Variants in LRRC41 observed in about 807,000 individuals in gnomAD.
LRRC41 encodes the protein leucine rich repeat containing 41, also known as leucine-rich repeat-containing protein 41.
LRRC41 carries 17 observed loss-of-function variants against 72.1 expected under a neutral mutation model. The ratio of observed to expected loss-of-function variants is 0.24; its 90% CI spans 0.16 to 0.35. LRRC41 has a LOEUF of 0.35. LRRC41 is among the 10% of genes least tolerant of loss of function. LRRC41 has a pLI of 1.00. For synonymous variants in LRRC41, 427 were observed against 431.0 expected (o/e 0.99, Z 0.11); for missense variants, 759 against 1,065.0 (o/e 0.71, Z 4.00).
At position 46,303,273 on chromosome 1, in the gene LRRC41, A is replaced by G. The variant is rs1326306928; in HGVS notation, c.50T>C (p.Val17Ala). The G allele has an allele frequency of 6.5e-7, 1 of 1,543,898 alleles. No individual in the cohort carries two copies. Among genetic ancestry groups the G allele is most frequent in the Non-Finnish European group, 8.7e-7 (1 of 1,145,650 alleles). Reference protein sequence around the residue: ...WRARSCWFCEVAAATTMEATS... With the variant: ...WRARSCWFCEAAAATTMEATS... ...GGCCTCCATGGTCGTTGCCGCCGCT[A>G]CCTCACAGAACCAGCAACTCCGGGC... The change falls in exon 1 of 10, where the codon GTA (valine) becomes GCA (alanine). Residue 17 changes from valine to alanine, a missense_variant. This residue lies in a region of LRRC41 where 106 missense variants were observed against 66.1 expected (regional missense o/e 1.60). Coordinates refer to ENST00000617190, the MANE Select transcript of LRRC41 (RefSeq NM_006369.5).
At chr1:46,290,761 C>G (rs1335167829) in intron 3 of LRRC41, among the ~76,000 whole-genome samples, 3 of 151,978 alleles carry the variant, frequency 2.0e-5, no homozygotes, top group Non-Finnish European at 4.4e-5. Flanking sequence ...CACACAACAC[C>G]ATGTCCAGCT....
chr1:46,299,791 C>T (rs1468713503), intron 1 of LRRC41: 1 of 151,660 alleles, frequency 6.6e-6, no homozygotes, highest in Non-Finnish European at 1.5e-5. Context: ...GCACAAGAAT[C>T]ACTTGAACTC....
In LRRC41 at chr1:46,278,768, A is replaced by G. The variant is rs770813040; in HGVS notation, c.*97T>C. On this transcript the variant is annotated 3_prime_UTR_variant, in exon 10 of 10. Transcript: ENST00000617190. The stretch of plus-strand genomic sequence containing the variant: ...AAAAGAGAAAAAAGGTGACAGAAAG[A>G]GAAAGATAGAACTGGTGGTTGGGGT... The G allele has an allele frequency of 4.2e-6, 5 of 1,194,570 alleles. No homozygotes were observed. The highest frequency in any genetic ancestry group is 6.0e-6 in the Non-Finnish European group (5 of 831,232). The allele number at this position is 1,194,570 out of a possible 1,614,324, so 74.0% of individuals were successfully genotyped here.
chr1:46,279,750 G>C lies in LRRC41; in HGVS notation c.2021-136C>G. Reference sequence around the variant, plus strand: ...AGGAAGGAATTTGTCTAGACTCCAAGCAAGGCTGGAACTAAATCAGAATCC... The same window carrying C: ...AGGAAGGAATTTGTCTAGACTCCAACCAAGGCTGGAACTAAATCAGAATCC... On this transcript the variant is annotated intron_variant, in intron 7 of 9. Coordinates refer to ENST00000617190, the MANE Select transcript of LRRC41 (RefSeq NM_006369.5). The surrounding 1 kb of genome is among the most constrained non-coding windows in gnomAD (Gnocchi z 4.5). 1.9e-6 allele frequency: 2 copies of C among 1,026,230 alleles called. No homozygotes were observed. The highest frequency in any genetic ancestry group is 2.4e-5 in the East Asian group (1 of 41,296). The allele number at this position is 1,026,230 out of a possible 1,614,324, so 63.6% of individuals were successfully genotyped here. A position where few individuals can be genotyped will look rare whatever the true frequency, so the allele number is the denominator to read the frequency against.
At chr1:46,298,229 A>G in intron 2 of LRRC41, 55 bp downstream of exon 2, 1 of 1,286,456 alleles carries the variant, frequency 7.8e-7, no homozygotes, top group Non-Finnish European at 1.1e-6. Context: ...CCGGAAGAAC[A>G]TTATGGTGCC....
At chr1:46,281,459 A>G in intron 4 of LRRC41, 74 bp from the exon 5 acceptor site, 4 of 1,445,052 alleles carry the variant, frequency 2.8e-6, no homozygotes, top group Non-Finnish European at 3.8e-6. Context: ...ATACAACTCC[A>G]AATACTTTTG....
chr1:46,303,356 C>T lies in LRRC41; in HGVS notation c.-34G>A, dbSNP rs1377009276. 1 of 1,469,268 alleles carries T rather than the reference C, an allele frequency of 6.8e-7. No individual in the cohort carries two copies. The highest frequency in any genetic ancestry group is 9.0e-7 in the Non-Finnish European group (1 of 1,112,174). 91.0% of individuals were successfully genotyped at this position (1,469,268 alleles called of 1,614,324 possible). ...GGTGCGCGAGCCCGAGAGTGTCGCC[C>T]GCGGACCGCCATCTTGAAAAGGTCA... On this transcript the variant is annotated 5_prime_UTR_variant, in exon 1 of 10. Transcript: ENST00000617190.
chr1:46,301,952 G>A (rs952923942), intron 1 of LRRC41: 18 of 985,048 alleles, frequency 1.8e-5, no homozygotes, highest in Non-Finnish European at 3.6e-6. Context: ...TGTCCCCAGC[G>A]CGGCTAGGCC....
At chr1:46,295,846 C>G (rs922857527) in intron 3 of LRRC41, among the ~76,000 whole-genome samples, 2 of 152,154 alleles carry the variant, frequency 1.3e-5, no homozygotes, top group African/African-American at 4.8e-5. Context: ...ATTCTGAACG[C>G]CAAGGGTTGC....
rs1388460698 is a variant in LRRC41 at position 46,285,053 on chromosome 1, A to G, written c.1495+309T>C. 3 of 386,490 alleles carry G rather than the reference A, an allele frequency of 7.8e-6. No individual in the cohort carries two copies. Among genetic ancestry groups the G allele is most frequent in the African/African-American group, 6.1e-5 (3 of 49,468 alleles). 23.9% of individuals were successfully genotyped at this position (386,490 alleles called of 1,614,324 possible). A position where few individuals can be genotyped will look rare whatever the true frequency, so the allele number is the denominator to read the frequency against. On this transcript the variant is annotated intron_variant, in intron 4 of 9. Coordinates refer to ENST00000617190, the MANE Select transcript of LRRC41 (RefSeq NM_006369.5). This position sits in a 1 kb window ranked among gnomAD's most constrained non-coding sequence, Gnocchi z 5.3. Reference sequence around the variant, plus strand: ...AAACTCTAGCCCTGCCTGAGCATGCATATACTATACTGCTCCCACCTGCCC... The same window carrying G: ...AAACTCTAGCCCTGCCTGAGCATGCGTATACTATACTGCTCCCACCTGCCC...
At chr1:46,298,999 C>T (rs1661175973) in intron 1 of LRRC41, 1 of 152,266 alleles carries the variant, frequency 6.6e-6, no homozygotes, top group African/African-American at 2.4e-5. Flanking sequence ...TTAACCACTA[C>T]CATCCTTTGG....
rs1661257314 is a variant in LRRC41, at chr1:46,302,451, C to T, written c.199+673G>A. On this transcript the variant is annotated intron_variant, in intron 1 of 9. Coordinates refer to ENST00000617190, the MANE Select transcript of LRRC41 (RefSeq NM_006369.5). The surrounding 1 kb of genome is among the most constrained non-coding windows in gnomAD (Gnocchi z 4.7). ...TCGCACGGTCGCTCGGTCGCTTAGT[C>T]AGTTTGGCACCCGAGACCCCGGTTG... 2 of 985,418 alleles carry T rather than the reference C, an allele frequency of 2.0e-6. No homozygotes were observed. Among genetic ancestry groups the T allele is most frequent in the Non-Finnish European group, 2.4e-6 (2 of 829,910 alleles). 61.0% of individuals were successfully genotyped at this position (985,418 alleles called of 1,614,324 possible). A position where few individuals can be genotyped will look rare whatever the true frequency, so the allele number is the denominator to read the frequency against.
In LRRC41 at chr1:46,302,033, C is replaced by G. The variant is rs1661242699; in HGVS notation, c.199+1091G>C. ...GGACCCAAGTTTCCCTCGTCAGCGG[C>G]CAGGCCGCGGCCAGCGGTCCCCAAC... On this transcript the variant is annotated intron_variant, in intron 1 of 9. Coordinates refer to ENST00000617190, the MANE Select transcript of LRRC41 (RefSeq NM_006369.5). The surrounding 1 kb of genome is among the most constrained non-coding windows in gnomAD (Gnocchi z 4.7). 1 of 985,294 alleles carries G rather than the reference C, an allele frequency of 1.0e-6. No homozygotes were observed. Among genetic ancestry groups the G allele is most frequent in the Non-Finnish European group, 1.2e-6 (1 of 829,916 alleles). 61.0% of individuals were successfully genotyped at this position (985,294 alleles called of 1,614,324 possible).
At chr1:46,293,138 C>T (rs993627485) in intron 3 of LRRC41, among the ~76,000 whole-genome samples, 2 of 150,948 alleles carry the variant, frequency 1.3e-5, no homozygotes, top group African/African-American at 4.9e-5. Context: ...GAGCTGAGAT[C>T]GCACCACTGC....
At chr1:46,300,455 C>CCT (rs1406494244) in intron 1 of LRRC41, 1 of 152,178 alleles carries the variant, frequency 6.6e-6, no homozygotes, top group East Asian at 1.9e-4. Flanking sequence ...ATTATTTGTA[C>CCT]ATAGTAGGTC....
Position 46,303,344 on chromosome 1 carries a change from G to A in LRRC41, c.-22C>T, listed in dbSNP as rs753483968. 16 of 1,486,610 alleles carry A rather than the reference G, an allele frequency of 1.1e-5. No homozygotes were observed. Among genetic ancestry groups the A allele is most frequent in the Non-Finnish European group, 1.3e-5 (15 of 1,120,810 alleles). The allele number at this position is 1,486,610 out of a possible 1,614,324, so 92.1% of individuals were successfully genotyped here. A position where few individuals can be genotyped will look rare whatever the true frequency, so the allele number is the denominator to read the frequency against. Reference sequence around the variant, plus strand: ...CCATCTTGGGGAGGTGCGCGAGCCCGAGAGTGTCGCCCGCGGACCGCCATC... The same window carrying A: ...CCATCTTGGGGAGGTGCGCGAGCCCAAGAGTGTCGCCCGCGGACCGCCATC... On this transcript the variant is annotated 5_prime_UTR_variant, in exon 1 of 10. Coordinates refer to ENST00000617190, the MANE Select transcript of LRRC41 (RefSeq NM_006369.5).
Position 46,278,792 on chromosome 1 carries a change from G to A in LRRC41, c.*73C>T. 7.1e-7 allele frequency: 1 copy of A among 1,407,322 alleles called. No homozygotes were observed. Among genetic ancestry groups the A allele is most frequent in the Middle Eastern group, 1.8e-4 (1 of 5,624 alleles). 87.2% of individuals were successfully genotyped at this position (1,407,322 alleles called of 1,614,324 possible). On this transcript the variant is annotated 3_prime_UTR_variant, in exon 10 of 10. Transcript: ENST00000617190. ...GAGAAAGATAGAACTGGTGGTTGGGGTTCTGGGCAGCCCATGCTTCAGCCC... is the reference window on the plus strand; with the variant it reads ...GAGAAAGATAGAACTGGTGGTTGGGATTCTGGGCAGCCCATGCTTCAGCCC...
At position 46,286,335 on chromosome 1, in the gene LRRC41, C is replaced by T; in HGVS notation, c.522G>A (p.Gln174=). 6.2e-7 allele frequency: 1 copy of T among 1,614,232 alleles called. No homozygotes were observed. Among genetic ancestry groups the T allele is most frequent in the Non-Finnish European group, 8.5e-7 (1 of 1,180,040 alleles). The change falls in exon 4 of 10, where the codon CAG becomes CAA. Residue 174 remains glutamine (Q), a synonymous_variant. Coordinates refer to ENST00000617190, the MANE Select transcript of LRRC41 (RefSeq NM_006369.5). The surrounding 1 kb of genome is among the most constrained non-coding windows in gnomAD (Gnocchi z 5.5). ...GCTCAGCCACCAGCTCGGTTGCACC[C>T]TGCAGCATGTTACAGATGGTGAGCT... is the stretch of plus-strand genomic sequence containing the variant. The part of the protein sequence containing the change: ...VRQLTICNML[Q]GATELVAEPN...
At chr1:46,294,073 C>A (rs956921655) in intron 3 of LRRC41, among the ~76,000 whole-genome samples, 7 of 149,730 alleles carry the variant, frequency 4.7e-5, no homozygotes, top group Non-Finnish European at 7.4e-5. Flanking sequence ...TGGTTTTATT[C>A]TTTTTTAAAT....
Sources: gnomAD v4.1 joint callset for allele counts (sites outside exome capture counted in the v4.1 genomes callset) on GRCh38, gnomAD v4.1.1 for gene constraint, gnomAD v4.1.1 regional missense constraint, Gnocchi (gnomAD v3.1) non-coding constraint, MANE v1.5 for transcripts, NCBI Gene and HGNC (gene_info 2026-07-23, HGNC 2026-07-21) for gene names.